Variants in TMEM117 observed in about 807,000 individuals in gnomAD.
The protein encoded by TMEM117 is transmembrane protein 117.
TMEM117 carries 27 observed loss-of-function variants against 52.4 expected under a neutral mutation model. The observed-to-expected ratio is 0.51, with a 90% CI of 0.38 to 0.71. The LOEUF (loss-of-function observed/expected upper bound fraction) is 0.71, where lower values mean the gene tolerates loss of function less well. Ranked by LOEUF, TMEM117 falls within the 30% of genes least tolerant of loss-of-function variation. The pLI, the probability that TMEM117 is intolerant of heterozygous loss-of-function variation, is 0.00. For missense variants in TMEM117, 556 were observed against 630.5 expected (o/e 0.88, Z 1.26); for synonymous variants, 215 against 206.3 (o/e 1.04, Z -0.36).
the TMEM117 span, among the ~76,000 whole-genome samples, chr12:43,820,318 C>G: frequency 6.6e-6 from 1 of 151,778 alleles, no homozygotes; most frequent in South Asian, 2.1e-4. Flanking sequence ...CTGTCGCCCA[C>G]GCTGGAGTGC....
At chr12:44,312,317 T>C (rs1461517764) in intron 6 of TMEM117, among the ~76,000 whole-genome samples, 1 of 152,120 alleles carries the variant, frequency 6.6e-6, no homozygotes, top group Non-Finnish European at 1.5e-5. Context: ...TATGTTCATA[T>C]GTACCCAATG....
intron 2 of TMEM117, among the ~76,000 whole-genome samples, chr12:43,892,069 T>C (rs1045309675): frequency 6.6e-6 from 1 of 152,122 alleles, no homozygotes; most frequent in African/African-American, 2.4e-5. Context: ...TATCAGGAGG[T>C]CAAGACTACC....
At chr12:44,088,498 A>G (rs2138035583) in intron 3 of TMEM117, among the ~76,000 whole-genome samples, 1 of 152,342 alleles carries the variant, frequency 6.6e-6, no homozygotes, top group Admixed American at 6.5e-5. Context: ...AAATTTCCAT[A>G]AAACAAGGTT....
intron 5 of TMEM117, among the ~76,000 whole-genome samples, chr12:44,232,224 A>G (rs1949942664): frequency 6.6e-6 from 1 of 151,584 alleles, no homozygotes; most frequent in Non-Finnish European, 1.5e-5. Flanking sequence ...AAAGTTATTA[A>G]GATATTCTTT....
chr12:43,884,090 C>G (rs866584776), intron 2 of TMEM117, among the ~76,000 whole-genome samples: 13 of 148,088 alleles, frequency 8.8e-5, no homozygotes, highest in Admixed American at 6.1e-4. Context: ...GAGCCATGAT[C>G]ACACCACTGC....
chr12:44,294,804 G>A (rs1950746884), intron 5 of TMEM117, among the ~76,000 whole-genome samples: 1 of 152,150 alleles, frequency 6.6e-6, no homozygotes, highest in African/African-American at 2.4e-5. Context: ...TCCACATCCT[G>A]GACAAGAAAG....
rs1291391801 is a variant in TMEM117, at chr12:44,131,892, T to C, written c.411-11633T>C. Among the ~76,000 whole-genome samples, 8 of 152,170 alleles carry C rather than the reference T, an allele frequency of 5.3e-5. No individual in the cohort carries two copies. In the East Asian group the frequency reaches 1.5e-3, roughly 29 times the overall value. The stretch of plus-strand genomic sequence containing the variant: ...TTTTACTTTGCAGGTCTGAAAAATA[T>C]CTTTATTCTGTTCTCACTTTTTCTG... On this transcript the variant is annotated intron_variant, in intron 3 of 7. Coordinates refer to ENST00000266534, the MANE Select transcript of TMEM117 (RefSeq NM_032256.3).
chr12:44,164,959 A>G (rs1420477133), intron 4 of TMEM117, among the ~76,000 whole-genome samples: 2 of 152,188 alleles, frequency 1.3e-5, no homozygotes, highest in Non-Finnish European at 2.9e-5. Flanking sequence ...ATTTTGAAAT[A>G]TACAATATAT....
rs1288998095 is a variant in TMEM117 at position 44,197,398 on chromosome 12, A to G, written c.511-13892A>G. On this transcript the variant is annotated intron_variant, in intron 4 of 7. Coordinates refer to ENST00000266534, the MANE Select transcript of TMEM117 (RefSeq NM_032256.3). ...TCCATGTTAACAAAGCAGAGACGGT[A>G]TGCATCCTGAAAGCTACTCATTCTT... is the stretch of plus-strand genomic sequence containing the variant. Among the ~76,000 whole-genome samples the G allele has an allele frequency of 7.9e-5, 12 of 152,292 alleles. No homozygotes were observed. In the East Asian group the frequency reaches 2.1e-3, roughly 27 times the overall value.
intron 2 of TMEM117, among the ~76,000 whole-genome samples, chr12:43,911,013 A>G (rs1944490435): frequency 1.9e-5 from 1 of 53,332 alleles, no homozygotes; most frequent in Non-Finnish European, 5.1e-5. Context: ...TTCATATGGA[A>G]CCAAAAAAGA....
chr12:43,907,000 C>G (rs1039733104), intron 2 of TMEM117, among the ~76,000 whole-genome samples: 3 of 152,236 alleles, frequency 2.0e-5, no homozygotes, highest in South Asian at 2.1e-4. Context: ...CACCACAGCT[C>G]AAGGAGGCCT....
At chr12:43,802,508 T>TA in the TMEM117 span, 1 of 1,394,538 alleles carries the variant, frequency 7.2e-7, no homozygotes, top group Non-Finnish European at 1.0e-6. Context: ...TGGTTTGAGA[T>TA]ATCAAGTGGT....
intron 4 of TMEM117, among the ~76,000 whole-genome samples, chr12:44,179,165 C>G (rs1397303120): frequency 1.3e-5 from 2 of 152,060 alleles, no homozygotes; most frequent in Non-Finnish European, 2.9e-5. Context: ...TGTCCTCCAG[C>G]CTGGGCAACA....
In TMEM117 at chr12:44,328,453, T is replaced by C. The variant is rs531814439; in HGVS notation, c.768+28714T>C. ...GATTTACAGAAACAGTGCATTTTAT[T>C]CTGCCAGTAAGTAAATAACTCTACA... On this transcript the variant is annotated intron_variant, in intron 6 of 7. Coordinates refer to ENST00000266534, the MANE Select transcript of TMEM117 (RefSeq NM_032256.3). Among the ~76,000 whole-genome samples the C allele has an allele frequency of 1.9e-3, 287 of 152,282 alleles. 1 individual carries two copies. The highest frequency in any genetic ancestry group is 5.0e-3 in the Admixed American group (77 of 15,262).
intron 2 of TMEM117, among the ~76,000 whole-genome samples, chr12:43,901,431 C>T (rs1251475381): frequency 1.3e-5 from 2 of 152,158 alleles, no homozygotes; most frequent in African/African-American, 4.8e-5. Flanking sequence ...CTGCCTCAGC[C>T]TCCTGAGTAG....
chr12:44,391,234 T>A (rs1433633900), downstream of TMEM117, among the ~76,000 whole-genome samples: 1 of 152,168 alleles, frequency 6.6e-6, no homozygotes, highest in Non-Finnish European at 1.5e-5. Context: ...AATGGAAAAT[T>A]AAATAAACAC....
chr12:43,970,570 G>A (rs1464917558), intron 3 of TMEM117, among the ~76,000 whole-genome samples: 1 of 152,162 alleles, frequency 6.6e-6, no homozygotes, highest in Non-Finnish European at 1.5e-5. Flanking sequence ...TTACAGACAT[G>A]AGCCACTGCA....
chr12:44,044,278 A>G (rs2137906060), intron 3 of TMEM117, among the ~76,000 whole-genome samples: 1 of 152,326 alleles, frequency 6.6e-6, no homozygotes, highest in African/African-American at 2.4e-5. Context: ...GAATCACACC[A>G]GTGTCATCTA....
intron 5 of TMEM117, among the ~76,000 whole-genome samples, chr12:44,221,209 A>G (rs1025538179): frequency 2.4e-4 from 37 of 152,320 alleles, no homozygotes; most frequent in African/African-American, 7.9e-4. Flanking sequence ...ACCATTATAA[A>G]TATTTTATAT....
Sources: allele counts gnomAD v4.1 joint callset (sites outside exome capture counted in the v4.1 genomes callset), GRCh38; gene constraint gnomAD v4.1.1; transcripts MANE v1.5; gene names NCBI Gene and HGNC (gene_info 2026-07-23, HGNC 2026-07-21).